The following CIMIP5 variants were observed in gnomAD, a reference collection of about 807,000 sequenced individuals.
CIMIP5 encodes the protein ciliary microtubule inner protein 5, also known as uncharacterized protein C2orf50.
At chr2:11,138,875 G>A in the CIMIP5 span, among the ~76,000 whole-genome samples, 4 of 151,976 alleles carry the variant, frequency 2.6e-5, no homozygotes, top group African/African-American at 9.7e-5. Flanking sequence ...ACAGCCTGTG[G>A]AACTGTTAGC....
At chr2:11,140,555 G>A in the CIMIP5 span, 1 of 1,562,518 alleles carries the variant, frequency 6.4e-7, no homozygotes, top group Non-Finnish European at 8.8e-7. Flanking sequence ...CAATGGTAAG[G>A]TAAAATATGT....
chr2:11,140,107 G>T, the CIMIP5 span, among the ~76,000 whole-genome samples: 1 of 117,336 alleles, frequency 8.5e-6, no homozygotes, highest in African/African-American at 4.7e-5. Context: ...AAAAAAAAAG[G>T]CTGGGCGTGG....
the CIMIP5 span, chr2:11,133,732 ACCAGC>A: frequency 7.4e-7 from 1 of 1,357,572 alleles, no homozygotes; most frequent in Non-Finnish European, 9.7e-7. Flanking sequence ...AAGGTGGGTC[ACCAGC>A]CCAGCCCAGA....
the CIMIP5 span, among the ~76,000 whole-genome samples, chr2:11,150,869 G>T: frequency 6.7e-6 from 1 of 149,248 alleles, no homozygotes; most frequent in African/African-American, 2.5e-5. Flanking sequence ...ATCATGCCAA[G>T]AATTAAAAAA....
chr2:11,148,894 T>A, the CIMIP5 span, among the ~76,000 whole-genome samples: 1 of 151,882 alleles, frequency 6.6e-6, no homozygotes, highest in Non-Finnish European at 1.5e-5. Context: ...CCACCATGCC[T>A]GGCTAATTTT....
chr2:11,150,088 G>A, the CIMIP5 span, among the ~76,000 whole-genome samples: 22,880 of 148,672 alleles, frequency 0.15, 2,402 homozygotes, highest in Non-Finnish European at 0.21. Flanking sequence ...CTGGGATTAC[G>A]GGTGCGTGCC....
chr2:11,146,057 T>G, the CIMIP5 span: 1 of 152,182 alleles, frequency 6.6e-6, no homozygotes, highest in Non-Finnish European at 1.5e-5. Flanking sequence ...TGAAGCCCAG[T>G]GTTCTCTGCA....
the CIMIP5 span, chr2:11,133,732 A>ACCAGC: frequency 7.4e-7 from 1 of 1,357,574 alleles, no homozygotes; most frequent in South Asian, 1.6e-5. Context: ...AAGGTGGGTC[A>ACCAGC]CCAGCCCAGC....
At chr2:11,139,133 G>A in the CIMIP5 span, among the ~76,000 whole-genome samples, 1 of 152,070 alleles carries the variant, frequency 6.6e-6, no homozygotes, top group African/African-American at 2.4e-5. Context: ...GGCCAGGCTG[G>A]TCTCGAACTC....
At chr2:11,133,249 C>T in the CIMIP5 span, 3 of 1,454,276 alleles carry the variant, frequency 2.1e-6, no homozygotes, top group Non-Finnish European at 2.7e-6. Context: ...CAGAGTGTTC[C>T]AGGAGGAGGT....
the CIMIP5 span, among the ~76,000 whole-genome samples, chr2:11,150,576 C>T: frequency 1.5e-3 from 233 of 151,976 alleles, no homozygotes; most frequent in African/African-American, 5.4e-3. Context: ...AGGTGATCTG[C>T]CAGCCTCAGC....
At chr2:11,135,177 T>C in the CIMIP5 span, among the ~76,000 whole-genome samples, 20 of 152,200 alleles carry the variant, frequency 1.3e-4, no homozygotes, top group African/African-American at 4.3e-4. Context: ...AGGGATCACA[T>C]TTCAGTATGA....
the CIMIP5 span, among the ~76,000 whole-genome samples, chr2:11,147,371 T>A: frequency 1.3e-5 from 2 of 152,158 alleles, no homozygotes; most frequent in African/African-American, 4.8e-5. Flanking sequence ...CATCTCCAGC[T>A]CCAGGATTCT....
At chr2:11,133,977 T>C in the CIMIP5 span, among the ~76,000 whole-genome samples, 4 of 152,138 alleles carry the variant, frequency 2.6e-5, no homozygotes, top group Non-Finnish European at 1.5e-5. Flanking sequence ...TGAGCCGCTC[T>C]GAAACGAGAC....
chr2:11,143,827 A>G, the CIMIP5 span: 2 of 1,123,672 alleles, frequency 1.8e-6, no homozygotes, highest in Non-Finnish European at 2.4e-6. Flanking sequence ...ATGCTTCACA[A>G]AGAGAGGCAG....
At chr2:11,136,960 G>A in the CIMIP5 span, among the ~76,000 whole-genome samples, 1 of 152,170 alleles carries the variant, frequency 6.6e-6, no homozygotes, top group South Asian at 2.1e-4. Context: ...AAGACCAAGG[G>A]GAAAGAGTTT....
chr2:11,140,377 A>T, the CIMIP5 span: 7 of 158,966 alleles, frequency 4.4e-5, no homozygotes, highest in East Asian at 3.0e-4. Flanking sequence ...TCCGTCTTAA[A>T]AAAAAAAAAA....
chr2:11,149,258 C>T, the CIMIP5 span, among the ~76,000 whole-genome samples: 4 of 151,756 alleles, frequency 2.6e-5, no homozygotes, highest in Non-Finnish European at 5.9e-5. Context: ...ACCGTGCTCC[C>T]CTGGTGTGGT....
chr2:11,139,746 A>G, the CIMIP5 span, among the ~76,000 whole-genome samples: 1 of 152,236 alleles, frequency 6.6e-6, no homozygotes, highest in Non-Finnish European at 1.5e-5. Context: ...TTGGTAGGAT[A>G]CACCATAAAT....
Sources: gnomAD v4.1 joint callset for allele counts (sites outside exome capture counted in the v4.1 genomes callset) on GRCh38, gnomAD v4.1.1 for gene constraint, MANE v1.5 for transcripts, NCBI Gene and HGNC (gene_info 2026-07-23, HGNC 2026-07-21) for gene names.